Variants in IGFBP7 observed in about 807,000 individuals in gnomAD.
IGFBP7 encodes the protein insulin-like growth factor-binding protein 7.
A neutral mutation model predicts 29.4 loss-of-function variants in IGFBP7; 31 were observed. That is an observed-to-expected ratio of 1.05 (90% CI 0.79 to 1.42). The LOEUF is 1.42. IGFBP7 is among the 40% of genes most tolerant of loss of function. IGFBP7 has a pLI of 0.00. For missense variants in IGFBP7, 393 were observed against 395.5 expected (o/e 0.99, Z 0.05); for synonymous variants, 172 against 174.9 (o/e 0.98, Z 0.13).
intron 1 of IGFBP7, among the ~76,000 whole-genome samples, chr4:57,101,625 AAC>A (rs1180709566): frequency 6.6e-6 from 1 of 152,230 alleles, no homozygotes; most frequent in Non-Finnish European, 1.5e-5. Context: ...CTTGGGATAA[AAC>A]AGAGGTCAAC....
chr4:57,105,907 A>ATTT (rs34995246), intron 1 of IGFBP7, among the ~76,000 whole-genome samples: 24,633 of 135,756 alleles, frequency 0.18, 3,851 homozygotes, highest in African/African-American at 0.39. Context: ...CATTTTTTAA[A>ATTT]TTTTTTTTTT....
intron 1 of IGFBP7, among the ~76,000 whole-genome samples, chr4:57,107,479 G>T (rs558975850): frequency 7.9e-5 from 12 of 152,308 alleles, no homozygotes; most frequent in Admixed American, 2.6e-4. Flanking sequence ...TGTCCAGTTT[G>T]CTTCTATGAT....
At chr4:57,050,043 G>T (rs865939202) in intron 1 of IGFBP7, among the ~76,000 whole-genome samples, 11 of 150,836 alleles carry the variant, frequency 7.3e-5, no homozygotes, top group African/African-American at 2.2e-4. Context: ...GTGTTTCTTG[G>T]CTACTAACCA....
At chr4:57,103,714 A>G (rs1288031207) in intron 1 of IGFBP7, among the ~76,000 whole-genome samples, 1 of 119,786 alleles carries the variant, frequency 8.3e-6, no homozygotes, top group African/African-American at 3.3e-5. Context: ...GCTGGAGTGC[A>G]GTGGTATGAT....
intron 1 of IGFBP7, among the ~76,000 whole-genome samples, chr4:57,067,038 CA>C (rs1200739573): frequency 1.3e-5 from 2 of 150,260 alleles, no homozygotes; most frequent in Non-Finnish European, 3.0e-5. Flanking sequence ...GGTAAAAAAC[CA>C]AAAACAAAAC....
At chr4:57,057,672 G>A (rs1235002087) in intron 1 of IGFBP7, among the ~76,000 whole-genome samples, 1 of 152,064 alleles carries the variant, frequency 6.6e-6, no homozygotes, top group African/African-American at 2.4e-5. Context: ...ATGTTCTCAG[G>A]GAGTCTCTTT....
chr4:57,106,465 G>GACAT (rs1232097901), intron 1 of IGFBP7, among the ~76,000 whole-genome samples: 1 of 152,130 alleles, frequency 6.6e-6, no homozygotes, highest in Non-Finnish European at 1.5e-5. Context: ...AAAGCATAGA[G>GACAT]ACATATGTGC....
Position 57,030,991 on chromosome 4 carries a change from A to G in IGFBP7, c.*326T>C, listed in dbSNP as rs1723902165. The stretch of plus-strand genomic sequence containing the variant: ...CACCGCGAATGATGAGTGTTTAGCT[A>G]TTTTACAGGAGTCAACAAGATAATT... On this transcript the variant is annotated 3_prime_UTR_variant, in exon 5 of 5. Coordinates refer to ENST00000295666, the MANE Select transcript of IGFBP7 (RefSeq NM_001553.3). 3 of 1,521,752 alleles carry G rather than the reference A, an allele frequency of 2.0e-6. No individual in the cohort carries two copies. The highest frequency in any genetic ancestry group is 2.7e-6 in the Non-Finnish European group (3 of 1,095,796). 94.3% of individuals were successfully genotyped at this position (1,521,752 alleles called of 1,614,324 possible).
chr4:57,035,784 A>C (rs907115894), intron 2 of IGFBP7, among the ~76,000 whole-genome samples: 5 of 152,242 alleles, frequency 3.3e-5, no homozygotes, highest in African/African-American at 1.2e-4. Flanking sequence ...TTTCTAGTTA[A>C]AATTGGAATT....
intron 1 of IGFBP7, among the ~76,000 whole-genome samples, chr4:57,068,019 T>C (rs1039511983): frequency 1.3e-5 from 2 of 151,864 alleles, no homozygotes; most frequent in African/African-American, 2.4e-5. Context: ...TGGAAATAGG[T>C]TGAGGTTTCA....
intron 1 of IGFBP7, among the ~76,000 whole-genome samples, chr4:57,075,485 A>ATGTC (rs1198326388): frequency 6.6e-6 from 1 of 152,166 alleles, no homozygotes; most frequent in Non-Finnish European, 1.5e-5. Context: ...TCACAGAGGA[A>ATGTC]TGTCTATTCC....
At chr4:57,046,792 A>G (rs1442446010) in intron 1 of IGFBP7, among the ~76,000 whole-genome samples, 2 of 152,132 alleles carry the variant, frequency 1.3e-5, no homozygotes, top group Non-Finnish European at 2.9e-5. Context: ...AGTCATCTGC[A>G]GTGCTGCCTG....
chr4:57,035,736 C>G (rs892972472), intron 2 of IGFBP7, among the ~76,000 whole-genome samples: 2 of 152,194 alleles, frequency 1.3e-5, no homozygotes, highest in Non-Finnish European at 2.9e-5. Flanking sequence ...GCTGGGATTA[C>G]AGGCATGAGC....
rs1342495365 is a variant in IGFBP7 at position 57,110,168 on chromosome 4, T to C, written c.184A>G (p.Met62Val). 20 of 1,439,454 alleles carry C rather than the reference T, an allele frequency of 1.4e-5. No individual in the cohort carries two copies. In the East Asian group the frequency reaches 5.9e-4, roughly 42 times the overall value. 89.2% of individuals were successfully genotyped at this position (1,439,454 alleles called of 1,614,324 possible). The change falls in exon 1 of 5, where the codon ATG becomes GTG. Residue 62 changes from methionine (M) to valine (V), a missense_variant. By Grantham distance (21) the Met-to-Val change is conservative. Transcript: ENST00000295666. ...ETRDACGCCP[M>V]CARGEGEPCG... ...GGCTCGCCCTCGCCGCGGGCGCACATAGGGCAGCAGCCGCACGCGTCGCGG... is the reference window on the plus strand; with the variant it reads ...GGCTCGCCCTCGCCGCGGGCGCACACAGGGCAGCAGCCGCACGCGTCGCGG...
At chr4:57,104,408 T>G (rs552270497) in intron 1 of IGFBP7, among the ~76,000 whole-genome samples, 4 of 152,200 alleles carry the variant, frequency 2.6e-5, no homozygotes, top group Non-Finnish European at 5.9e-5. Flanking sequence ...ATGGTACTAC[T>G]GTGTTAGTTT....
At chr4:57,035,288 T>A (rs1328074178) in intron 2 of IGFBP7, among the ~76,000 whole-genome samples, 2 of 152,218 alleles carry the variant, frequency 1.3e-5, no homozygotes, top group Non-Finnish European at 2.9e-5. Flanking sequence ...TTCCCTTCTT[T>A]TCACAAGTGT....
rs558252416 is a variant in IGFBP7, at chr4:57,078,484, TA to T, written c.475+31392del. On this transcript the variant is annotated intron_variant, in intron 1 of 4. Coordinates refer to ENST00000295666, the MANE Select transcript of IGFBP7 (RefSeq NM_001553.3). ...GGTAAAACTCGATTTCAAACTTGTC[TA>T]AAAAAAAAAAAGAAAAATGGTAAAA... Among the ~76,000 whole-genome samples the T allele has an allele frequency of 2.2e-3, 316 of 142,540 alleles. 1 individual carries two copies. The highest frequency in any genetic ancestry group is 2.6e-3 in the African/African-American group (101 of 39,152). The allele number at this position is 142,540 out of a possible 152,430, so 93.5% of individuals were successfully genotyped here.
chr4:57,095,558 C>T (rs948087283), intron 1 of IGFBP7, among the ~76,000 whole-genome samples: 4 of 152,116 alleles, frequency 2.6e-5, no homozygotes, highest in Non-Finnish European at 4.4e-5. Flanking sequence ...CTTGTGAGGT[C>T]GGTAGTATCT....
chr4:57,055,503 A>C (rs1324030766), intron 1 of IGFBP7, among the ~76,000 whole-genome samples: 4 of 152,158 alleles, frequency 2.6e-5, no homozygotes, highest in African/African-American at 9.7e-5. Context: ...GGGGAGTGAG[A>C]GGCCAAGTAC....
Sources: gnomAD v4.1 joint callset for allele counts (sites outside exome capture counted in the v4.1 genomes callset) on GRCh38, gnomAD v4.1.1 for gene constraint, MANE v1.5 for transcripts, NCBI Gene and HGNC (gene_info 2026-07-23, HGNC 2026-07-21) for gene names.